Variants in ELL observed in about 807,000 individuals in gnomAD.
The protein encoded by ELL is elongation factor for RNA polymerase II.
In ELL, 18 loss-of-function variants were observed where a neutral mutation model predicts 64.0. The observed-to-expected ratio is 0.28, with a 90% CI of 0.19 to 0.42. The LOEUF (loss-of-function observed/expected upper bound fraction) is 0.42, where lower values mean the gene tolerates loss of function less well. Ranked by LOEUF, ELL falls within the 10% of genes least tolerant of loss-of-function variation. The pLI is 1.00. For missense variants in ELL, 797 were observed against 870.4 expected (o/e 0.92, Z 1.06); for synonymous variants, 399 against 376.2 (o/e 1.06, Z -0.70).
chr19:18,509,466 C>A (rs1239680299), intron 1 of ELL, among the ~76,000 whole-genome samples: 1 of 152,078 alleles, frequency 6.6e-6, no homozygotes, highest in Non-Finnish European at 1.5e-5. Flanking sequence ...GATGGGGTGG[C>A]CGCCCCCACC....
intron 1 of ELL, among the ~76,000 whole-genome samples, chr19:18,516,265 G>A (rs898320567): frequency 1.4e-4 from 21 of 152,004 alleles, no homozygotes; most frequent in Non-Finnish European, 7.4e-5. Context: ...GCTGAGTACT[G>A]GCCACAGGCC....
At chr19:18,500,439 G>A (rs772499103) in intron 1 of ELL, among the ~76,000 whole-genome samples, 3 of 152,138 alleles carry the variant, frequency 2.0e-5, no homozygotes, top group African/African-American at 7.2e-5. Flanking sequence ...CTTCACAGCC[G>A]CTCCATCAAC....
At chr19:18,509,497 C>A (rs1975952304) in intron 1 of ELL, among the ~76,000 whole-genome samples, 2 of 151,968 alleles carry the variant, frequency 1.3e-5, no homozygotes, top group Non-Finnish European at 1.5e-5. Flanking sequence ...GCCCACAGGC[C>A]CCCACTAATC....
chr19:18,515,460 T>C (rs982691072), intron 1 of ELL, among the ~76,000 whole-genome samples: 1 of 152,234 alleles, frequency 6.6e-6, no homozygotes, highest in Non-Finnish European at 1.5e-5. Context: ...AGCTGGGAGA[T>C]CCTGCCTGGT....
chr19:18,453,734 T>C (rs1159300709), intron 6 of ELL, among the ~76,000 whole-genome samples: 9 of 152,294 alleles, frequency 5.9e-5, no homozygotes, highest in African/African-American at 1.9e-4. Context: ...ATTTTTTCAT[T>C]TTTTGTAGAG....
At chr19:18,462,365 T>TGTGTGTGTGTGTGTGTG in intron 4 of ELL, among the ~76,000 whole-genome samples, 1 of 38,812 alleles carries the variant, frequency 2.6e-5, no homozygotes, top group African/African-American at 2.0e-4. Context: ...GTGTGTGTGT[T>TGTGTGTGTGTGTGTGTG]TGGGCGGGGG....
rs977731366 is a variant in ELL at position 18,501,802 on chromosome 19, C to T, written c.135+20119G>A. On this transcript the variant is annotated intron_variant, in intron 1 of 11. Transcript: ENST00000262809. This position sits in a 1 kb window ranked among gnomAD's most constrained non-coding sequence, Gnocchi z 4.5. ...ATGGTCCATCCTTGGGGAGCATCTC[C>T]CCCACATCCTCAACCTCCAGCTACG... 1.3e-5 allele frequency among the ~76,000 whole-genome samples: 2 copies of T among 152,220 alleles called. No individual in the cohort carries two copies. Among genetic ancestry groups the T allele is most frequent in the Non-Finnish European group, 2.9e-5 (2 of 68,038 alleles).
chr19:18,510,565 C>T (rs1000285916), intron 1 of ELL, among the ~76,000 whole-genome samples: 22 of 152,188 alleles, frequency 1.4e-4, no homozygotes, highest in Non-Finnish European at 2.2e-4. Flanking sequence ...CCTCTGTCAC[C>T]TGTGACCAGG....
At chr19:18,478,627 T>G (rs183876982) in intron 1 of ELL, among the ~76,000 whole-genome samples, 3 of 152,204 alleles carry the variant, frequency 2.0e-5, no homozygotes, top group Non-Finnish European at 4.4e-5. Context: ...GGGAGCCTGG[T>G]AGGGCCGCCA....
At chr19:18,509,138 G>A (rs377555119) in intron 1 of ELL, among the ~76,000 whole-genome samples, 4 of 152,154 alleles carry the variant, frequency 2.6e-5, no homozygotes, top group South Asian at 2.1e-4. Flanking sequence ...CAGAGTAGCC[G>A]TGAGCAGGAG....
At chr19:18,509,289 A>G (rs1975947549) in intron 1 of ELL, among the ~76,000 whole-genome samples, 1 of 151,808 alleles carries the variant, frequency 6.6e-6, no homozygotes, top group Non-Finnish European at 1.5e-5. Flanking sequence ...GGGCTACAAG[A>G]TCCACAGCAG....
At chr19:18,458,170 G>C in intron 6 of ELL, 35 bp downstream of exon 6, 1 of 1,602,382 alleles carries the variant, frequency 6.2e-7, no homozygotes. Context: ...CTTCATGCGG[G>C]TGGGGACATG....
chr19:18,470,739 C>T (rs1054054300), intron 2 of ELL, among the ~76,000 whole-genome samples: 1 of 152,128 alleles, frequency 6.6e-6, no homozygotes, highest in Non-Finnish European at 1.5e-5. Context: ...GTGGTCCCAT[C>T]GAATCAGCCC....
chr19:18,497,799 G>T (rs1326198338), intron 1 of ELL, among the ~76,000 whole-genome samples: 1 of 115,086 alleles, frequency 8.7e-6, no homozygotes, highest in Non-Finnish European at 1.6e-5. Context: ...CTAGGCAAAA[G>T]AGTGAGATCT....
In ELL at chr19:18,445,237, C is replaced by T. The variant is rs372099279; in HGVS notation, c.1736G>A (p.Arg579Gln). 9.3e-6 allele frequency: 15 copies of T among 1,613,854 alleles called. No homozygotes were observed. Among genetic ancestry groups the T allele is most frequent in the Admixed American group, 1.7e-5 (1 of 60,006 alleles). The change falls in exon 11 of 12, where the codon CGA becomes CAA. Residue 579 changes from arginine (R) to glutamine (Q), a missense_variant. Physicochemically the swap from Arg to Gln is conservative, Grantham distance 43. Coordinates refer to ENST00000262809, the MANE Select transcript of ELL (RefSeq NM_006532.4). ...AGAGACACTCACCTTTTTGATTTTT[C>T]GATATTCCTGCAAAATCTGCCCTCG... The part of the protein sequence containing the change: ...TTRGQILQEY[R>Q]KIKKTNTNYS...
At chr19:18,474,754 T>C (rs575230808) in intron 1 of ELL, among the ~76,000 whole-genome samples, 1 of 152,266 alleles carries the variant, frequency 6.6e-6, no homozygotes, top group Admixed American at 6.5e-5. Flanking sequence ...CACCAGCCTG[T>C]GCTGCTACTG....
intron 1 of ELL, among the ~76,000 whole-genome samples, chr19:18,507,293 A>G (rs1975901807): frequency 6.6e-6 from 1 of 152,234 alleles, no homozygotes; most frequent in African/African-American, 2.4e-5. Context: ...AACTCTGAAA[A>G]GGGAGAGATA....
intron 6 of ELL, among the ~76,000 whole-genome samples, chr19:18,453,857 C>A (rs949986869): frequency 1.3e-5 from 2 of 152,212 alleles, no homozygotes; most frequent in Non-Finnish European, 2.9e-5. Context: ...GCATGAGCCA[C>A]CACGCCCGGT....
chr19:18,509,596 CATA>C (rs1568399736), intron 1 of ELL, among the ~76,000 whole-genome samples: 716 of 39,878 alleles, frequency 0.018, 18 homozygotes, highest in African/African-American at 0.05. Flanking sequence ...CGCGCGCGCA[CATA>C]CACACACACA....
Sources: allele counts gnomAD v4.1 joint callset (sites outside exome capture counted in the v4.1 genomes callset), GRCh38; gene constraint gnomAD v4.1.1; non-coding constraint Gnocchi (gnomAD v3.1); transcripts MANE v1.5; gene names NCBI Gene and HGNC (gene_info 2026-07-23, HGNC 2026-07-21).